ROCK1: variants seen among roughly 807,000 people sequenced by gnomAD.
The protein encoded by ROCK1 is Rho associated coiled-coil containing protein kinase 1, also known as rho-associated protein kinase 1.
Under a neutral mutation model 196.8 loss-of-function variants are expected in ROCK1, and 36 were observed. The observed-to-expected ratio is 0.18, with a 90% CI of 0.14 to 0.24. The LOEUF (loss-of-function observed/expected upper bound fraction) is 0.24, where lower values mean the gene tolerates loss of function less well. Among genes scored for constraint, ROCK1 ranks in the 10% least tolerant of loss-of-function variants. The pLI is 1.00. For missense variants in ROCK1, 920 were observed against 1,562.0 expected (o/e 0.59, Z 6.93); for synonymous variants, 443 against 515.9 (o/e 0.86, Z 1.91).
At chr18:21,042,511 C>A (rs2036115802) in intron 7 of ROCK1, 54 bp downstream of exon 7, 2 of 1,545,330 alleles carry the variant, frequency 1.3e-6, no homozygotes, top group African/African-American at 1.4e-5. Flanking sequence ...AGCCAAGTGG[C>A]AAGTTTTGAG....
chr18:21,065,278 C>T (rs1377819696), intron 2 of ROCK1, among the ~76,000 whole-genome samples: 1 of 152,050 alleles, frequency 6.6e-6, no homozygotes, highest in Non-Finnish European at 1.5e-5. Context: ...GTACTGTATG[C>T]TTTTATCACT....
chr18:21,042,356 A>G, intron 7 of ROCK1, 121 bp from the exon 8 acceptor site: 1 of 997,540 alleles, frequency 1.0e-6, no homozygotes, highest in South Asian at 1.8e-5. Flanking sequence ...AACTAAAAAC[A>G]TACACCTAAT....
intron 8 of ROCK1, 105 bp from the exon 9 acceptor site, chr18:21,039,668 A>G (rs2036088191): frequency 2.0e-5 from 15 of 740,962 alleles, no homozygotes; most frequent in Non-Finnish European, 3.5e-5. Flanking sequence ...AGGACGACAA[A>G]TATAGTTCTA....
At chr18:21,092,099 A>G (rs2036575755) in intron 1 of ROCK1, among the ~76,000 whole-genome samples, 1 of 152,198 alleles carries the variant, frequency 6.6e-6, no homozygotes, top group Non-Finnish European at 1.5e-5. Context: ...ACCAATTGTA[A>G]AACTATTATT....
intron 10 of ROCK1, among the ~76,000 whole-genome samples, chr18:21,024,173 C>T (rs963535687): frequency 9.2e-5 from 14 of 152,186 alleles, no homozygotes; most frequent in African/African-American, 2.9e-4. Context: ...CATAATATTG[C>T]CTCTTCGGGT....
intron 2 of ROCK1, among the ~76,000 whole-genome samples, chr18:21,066,391 G>GTT (rs2036334895): frequency 6.6e-6 from 1 of 151,968 alleles, no homozygotes; most frequent in Non-Finnish European, 1.5e-5. Flanking sequence ...TTTTCTTGAA[G>GTT]TAACATATTG....
intron 19 of ROCK1, among the ~76,000 whole-genome samples, chr18:20,986,056 T>C (rs1368860084): frequency 1.3e-5 from 2 of 152,138 alleles, no homozygotes; most frequent in African/African-American, 4.8e-5. Context: ...TTTCACCATG[T>C]TGCCTAGGCT....
chr18:20,968,740 G>C (rs776309998), intron 25 of ROCK1, 32 bp downstream of exon 25: 1 of 1,278,986 alleles, frequency 7.8e-7, no homozygotes, highest in Admixed American at 1.7e-5. Flanking sequence ...ACTCAAAAAT[G>C]AACATGTGGA....
chr18:20,969,784 A>G (rs915205826), intron 23 of ROCK1, among the ~76,000 whole-genome samples: 2 of 152,160 alleles, frequency 1.3e-5, no homozygotes, highest in Admixed American at 6.6e-5. Context: ...CCAAGACCAT[A>G]TAACTTCTTA....
rs1262888074 is a variant in ROCK1, at chr18:20,988,914, G to A, written c.2144-1804C>T. On this transcript the variant is annotated intron_variant, in intron 18 of 32. Transcript: ENST00000399799. ...ATTCCCAGCTGTGCCTTGTCTGTAGGCAGTCAATAATTAACTTAAGTGAAG... is the reference window on the plus strand; with the variant it reads ...ATTCCCAGCTGTGCCTTGTCTGTAGACAGTCAATAATTAACTTAAGTGAAG... 3.9e-5 allele frequency among the ~76,000 whole-genome samples: 6 copies of A among 152,046 alleles called. No homozygotes were observed. In the East Asian group the frequency reaches 1.2e-3, roughly 29 times the overall value.
chr18:21,043,408 A>G (rs1811309972), intron 6 of ROCK1, among the ~76,000 whole-genome samples: 1 of 151,928 alleles, frequency 6.6e-6, no homozygotes, highest in South Asian at 2.1e-4. Flanking sequence ...ATTATAACTA[A>G]ATGTTCATAC....
intron 4 of ROCK1, among the ~76,000 whole-genome samples, chr18:21,047,240 G>GT (rs1225974679): frequency 1.3e-5 from 2 of 152,134 alleles, no homozygotes; most frequent in African/African-American, 4.8e-5. Context: ...GAACGTTCAT[G>GT]TATCAGTGGT....
At chr18:20,997,856 A>C (rs2035686175) in intron 16 of ROCK1, among the ~76,000 whole-genome samples, 1 of 148,978 alleles carries the variant, frequency 6.7e-6, no homozygotes, top group East Asian at 2.0e-4. Context: ...TTTTTTTGAG[A>C]CGAAGTTTCG....
chr18:20,970,365 C>A lies in ROCK1; in HGVS notation c.2803G>T (p.Asp935Tyr). The A allele has an allele frequency of 6.2e-7, 1 of 1,613,776 alleles. No individual in the cohort carries two copies. ...ACACTTACCCGACTAACAGTGTGAT[C>A]TTTATCTGTAATCTCTTGTCTATTT... is the stretch of plus-strand genomic sequence containing the variant. Reference protein sequence around the residue: ...SRNRQEITDKDHTVSRLEEAN... With the variant: ...SRNRQEITDKYHTVSRLEEAN... The change falls in exon 23 of 33, where the codon GAT (aspartate) becomes TAT (tyrosine). Residue 935 changes from aspartate to tyrosine, a missense_variant. Coordinates refer to ENST00000399799, the MANE Select transcript of ROCK1 (RefSeq NM_005406.3).
rs188789053 is a variant in ROCK1, at chr18:21,037,559, A to G, written c.1051+1913T>C. Among the ~76,000 whole-genome samples, 410 of 152,272 alleles carry G rather than the reference A, an allele frequency of 2.7e-3. 3 individuals are homozygous for G. The highest frequency in any genetic ancestry group is 1.8e-3 in the Non-Finnish European group (119 of 67,978). On this transcript the variant is annotated intron_variant, in intron 9 of 32. Transcript: ENST00000399799. ...AAGAGGGGAAGGGAAGCAAAGAACA[A>G]TAAGTTCTACAGATTTCAATTTTTC...
chr18:21,105,882 A>C (rs752775365), intron 1 of ROCK1, among the ~76,000 whole-genome samples: 59 of 152,210 alleles, frequency 3.9e-4, no homozygotes, highest in Non-Finnish European at 6.5e-4. Context: ...AGTGAAGACA[A>C]AGATAAGTAT....
rs191506632 is a variant in ROCK1, at chr18:21,077,352, T to C, written c.94-6739A>G. Reference sequence around the variant, plus strand: ...CCCCCACACCTTGAACCCAAGAGGGTAGAATAAGACCATACTGTGTATGTT... The same window carrying C: ...CCCCCACACCTTGAACCCAAGAGGGCAGAATAAGACCATACTGTGTATGTT... On this transcript the variant is annotated intron_variant, in intron 1 of 32. Coordinates refer to ENST00000399799, the MANE Select transcript of ROCK1 (RefSeq NM_005406.3). Among the ~76,000 whole-genome samples, 375 of 152,164 alleles carry C rather than the reference T, an allele frequency of 2.5e-3. 1 individual carries two copies. Among genetic ancestry groups the C allele is most frequent in the African/African-American group, 8.5e-3 (354 of 41,478 alleles).
chr18:20,974,156 T>C (rs1284379503), intron 22 of ROCK1, among the ~76,000 whole-genome samples: 7 of 152,210 alleles, frequency 4.6e-5, no homozygotes, highest in Admixed American at 4.6e-4. Flanking sequence ...GCAGACAAGT[T>C]AGTAGCTATG....
chr18:21,008,014 C>T, intron 14 of ROCK1, 45 bp downstream of exon 14: 5 of 1,457,904 alleles, frequency 3.4e-6, no homozygotes, highest in Non-Finnish European at 4.7e-6. Flanking sequence ...AACCTCATGA[C>T]AGTGTTAGAA....
Sources: gnomAD v4.1 joint callset for allele counts (sites outside exome capture counted in the v4.1 genomes callset) on GRCh38, gnomAD v4.1.1 for gene constraint, MANE v1.5 for transcripts, NCBI Gene and HGNC (gene_info 2026-07-23, HGNC 2026-07-21) for gene names.